The following CAMTA1 variants were observed in gnomAD, a reference collection of about 807,000 sequenced individuals.
CAMTA1 encodes calmodulin binding transcription activator 1, also known as calmodulin-binding transcription activator 1.
A neutral mutation model predicts 170.9 loss-of-function variants in CAMTA1; 27 were observed. The observed-to-expected ratio is 0.16, with a 90% CI of 0.12 to 0.22. The LOEUF (loss-of-function observed/expected upper bound fraction) is 0.22, where lower values mean the gene tolerates loss of function less well. CAMTA1 is among the 10% of genes least tolerant of loss of function. The pLI, the probability that CAMTA1 is intolerant of heterozygous loss-of-function variation, is 1.00. For missense variants in CAMTA1, 1,619 were observed against 2,217.2 expected, an observed-to-expected ratio of 0.73 and a Z score of 5.42; for synonymous variants, 833 against 891.5, an observed-to-expected ratio of 0.93 and a Z score of 1.17.
In CAMTA1 at chr1:7,286,910, A is replaced by C. The variant is rs1672424446; in HGVS notation, c.438+37284A>C. Among the ~76,000 whole-genome samples, 1 of 152,224 alleles carries C rather than the reference A, an allele frequency of 6.6e-6. No homozygotes were observed. Among genetic ancestry groups the C allele is most frequent in the African/African-American group, 2.4e-5 (1 of 41,468 alleles). ...CAGATTGTTATGGAGAGTTTAGCTC[A>C]GTGCCTTCCATCGACTTGACACTCA... On this transcript the variant is annotated intron_variant, in intron 5 of 22. Coordinates refer to ENST00000303635, the MANE Select transcript of CAMTA1 (RefSeq NM_015215.4). The surrounding 1 kb of genome is among the most constrained non-coding windows in gnomAD (Gnocchi z 4.2).
At chr1:7,745,278 C>A (rs2096849130) in intron 17 of CAMTA1, among the ~76,000 whole-genome samples, 1 of 152,136 alleles carries the variant, frequency 6.6e-6, no homozygotes, top group African/African-American at 2.4e-5. Context: ...GTAATCCCAG[C>A]ACTTTTGGGA....
intron 5 of CAMTA1, among the ~76,000 whole-genome samples, chr1:7,366,620 C>T (rs908160321): frequency 2.6e-5 from 4 of 152,264 alleles, no homozygotes; most frequent in African/African-American, 9.6e-5. Context: ...GCTCTTCCCA[C>T]CCCACTGATG....
intron 5 of CAMTA1, among the ~76,000 whole-genome samples, chr1:7,283,434 C>T (rs1488607172): frequency 6.6e-6 from 1 of 152,220 alleles, no homozygotes; most frequent in Non-Finnish European, 1.5e-5. Flanking sequence ...TCCAGTGGTA[C>T]TTGCACACAG....
Position 7,680,872 on chromosome 1 carries a change from A to AGCAGCAGCAGCAGCAGCAGCTGCT in CAMTA1, c.2914+3150_2914+3151insAGCAGCAGCTGCTGCAGCAGCAGC, listed in dbSNP as rs70987363. 2.3e-4 allele frequency among the ~76,000 whole-genome samples: 34 copies of AGCAGCAGCAGCAGCAGCAGCTGCT among 146,342 alleles called. No homozygotes were observed. Among genetic ancestry groups the AGCAGCAGCAGCAGCAGCAGCTGCT allele is most frequent in the Non-Finnish European group, 3.5e-4 (23 of 65,762 alleles). On this transcript the variant is annotated intron_variant, in intron 11 of 22. Transcript: ENST00000303635. This position sits in a 1 kb window ranked among gnomAD's most constrained non-coding sequence, Gnocchi z 4.4. ...CGCGCGCGCGCGCGCCAGCAGCAGC[A>AGCAGCAGCAGCAGCAGCAGCTGCT]GCAGCAGCAGCTGCTGCGGCGAAGT...
chr1:6,988,082 G>C (rs916905385), intron 3 of CAMTA1, among the ~76,000 whole-genome samples: 2 of 152,168 alleles, frequency 1.3e-5, no homozygotes, highest in Non-Finnish European at 2.9e-5. Flanking sequence ...TTGGAATCTA[G>C]AAGCTAATCT....
chr1:7,346,959 C>T (rs1173954784), intron 5 of CAMTA1, among the ~76,000 whole-genome samples: 1 of 152,208 alleles, frequency 6.6e-6, no homozygotes, highest in Non-Finnish European at 1.5e-5. Context: ...ATCTGGCAGC[C>T]AGCACGGATG....
intron 12 of CAMTA1, among the ~76,000 whole-genome samples, chr1:7,734,585 T>C (rs950115396): frequency 6.6e-6 from 1 of 152,172 alleles, no homozygotes; most frequent in Admixed American, 6.5e-5. Flanking sequence ...GCCATTTCCA[T>C]GTGCTCATGA....
chr1:6,970,875 G>A lies in CAMTA1; in HGVS notation c.235-120429G>A, dbSNP rs189539340. Among the ~76,000 whole-genome samples the A allele has an allele frequency of 4.6e-5, 7 of 152,302 alleles. 1 individual carries two copies. Among genetic ancestry groups the A allele is most frequent in the African/African-American group, 1.7e-4 (7 of 41,556 alleles). ...CTGAGGCCAGTGGTAGTGTCTGCAT[G>A]GACCGTTGCTGGCTGTGGTCCTCTG... On this transcript the variant is annotated intron_variant, in intron 3 of 22. Transcript: ENST00000303635. This position sits in a 1 kb window ranked among gnomAD's most constrained non-coding sequence, Gnocchi z 4.4.
rs540511890 is a variant in CAMTA1, at chr1:7,603,826, G to A, written c.511-36574G>A. 4.6e-5 allele frequency among the ~76,000 whole-genome samples: 7 copies of A among 152,314 alleles called. No individual in the cohort carries two copies. The Middle Eastern group carries it at 0.01, about 222-fold the overall frequency. On this transcript the variant is annotated intron_variant, in intron 6 of 22. Coordinates refer to ENST00000303635, the MANE Select transcript of CAMTA1 (RefSeq NM_015215.4). ...GTTTTTGCAGTGGCTGGTACCAGTT[G>A]TTCCTTTCCATGTTTAGTGCTTCCT...
intron 11 of CAMTA1, among the ~76,000 whole-genome samples, chr1:7,713,073 T>C (rs2096583272): frequency 6.6e-6 from 1 of 152,144 alleles, no homozygotes; most frequent in South Asian, 2.1e-4. Context: ...CAGGAGAGGT[T>C]GGATTAAAGA....
At chr1:7,182,885 T>C (rs1331147984) in intron 4 of CAMTA1, among the ~76,000 whole-genome samples, 1 of 152,210 alleles carries the variant, frequency 6.6e-6, no homozygotes, top group African/African-American at 2.4e-5. Context: ...TGAGCTGTCA[T>C]TTTTAATCTG....
intron 4 of CAMTA1, among the ~76,000 whole-genome samples, chr1:7,229,444 G>T (rs1662290627): frequency 8.6e-6 from 1 of 116,922 alleles, no homozygotes. Context: ...GAGGAGGGGG[G>T]TGTGAAGGGG....
rs188135407 is a variant in CAMTA1, at chr1:7,429,422, T to C, written c.439-38408T>C. Among the ~76,000 whole-genome samples, 79 of 152,254 alleles carry C rather than the reference T, an allele frequency of 5.2e-4. No individual in the cohort carries two copies. In the East Asian group the frequency reaches 7.9e-3, roughly 15 times the overall value. On this transcript the variant is annotated intron_variant, in intron 5 of 22. Coordinates refer to ENST00000303635, the MANE Select transcript of CAMTA1 (RefSeq NM_015215.4). Reference sequence around the variant, plus strand: ...ACTATGGTGATCATGATGGTGGTGATGATTATATCAATGATGGTGATTATG... The same window carrying C: ...ACTATGGTGATCATGATGGTGGTGACGATTATATCAATGATGGTGATTATG...
At chr1:7,726,832 G>A (rs2096690983) in intron 11 of CAMTA1, among the ~76,000 whole-genome samples, 1 of 152,250 alleles carries the variant, frequency 6.6e-6, no homozygotes, top group Non-Finnish European at 1.5e-5. Flanking sequence ...AGCTAGAGCA[G>A]CTGGCTTTCT....
intron 5 of CAMTA1, among the ~76,000 whole-genome samples, chr1:7,313,677 G>C (rs566823796): frequency 6.6e-6 from 1 of 152,280 alleles, no homozygotes. Flanking sequence ...ATGAAAGTCA[G>C]AGTTTGGGTA....
At chr1:7,187,125 G>A (rs1041226868) in intron 4 of CAMTA1, among the ~76,000 whole-genome samples, 9 of 152,098 alleles carry the variant, frequency 5.9e-5, no homozygotes, top group Admixed American at 3.9e-4. Flanking sequence ...AGAGTGGCTG[G>A]GGCACAGGGC....
At chr1:6,957,464 T>G (rs1371453877) in intron 3 of CAMTA1, among the ~76,000 whole-genome samples, 1 of 152,140 alleles carries the variant, frequency 6.6e-6, no homozygotes. Flanking sequence ...TGTGTTCTAT[T>G]CTGGACTCTG....
chr1:7,365,600 C>T (rs1183000875), intron 5 of CAMTA1, among the ~76,000 whole-genome samples: 1 of 152,168 alleles, frequency 6.6e-6, no homozygotes, highest in East Asian at 1.9e-4. Flanking sequence ...GTAGAGACAC[C>T]GGAGTCTCCT....
chr1:7,314,763 T>C (rs1272302520), intron 5 of CAMTA1, among the ~76,000 whole-genome samples: 1 of 152,134 alleles, frequency 6.6e-6, no homozygotes, highest in Non-Finnish European at 1.5e-5. Context: ...AGTTACAGAG[T>C]TCCCCCTCTG....
Sources: allele counts gnomAD v4.1 joint callset (sites outside exome capture counted in the v4.1 genomes callset), GRCh38; gene constraint gnomAD v4.1.1; non-coding constraint Gnocchi (gnomAD v3.1); transcripts MANE v1.5; gene names NCBI Gene and HGNC (gene_info 2026-07-23, HGNC 2026-07-21).